The following CAMKMT variants were observed in gnomAD, a reference collection of about 807,000 sequenced individuals.
CAMKMT encodes CaM KMT.
In CAMKMT, 53 loss-of-function variants were observed where a neutral mutation model predicts 48.0. That is an observed-to-expected ratio of 1.10 (90% CI 0.89 to 1.39). The LOEUF is 1.39. CAMKMT is among the 40% of genes most tolerant of loss of function. The pLI, the probability that CAMKMT is intolerant of heterozygous loss-of-function variation, is 0.00. For missense variants in CAMKMT, 428 were observed against 402.7 expected, an observed-to-expected ratio of 1.06 and a Z score of -0.54; for synonymous variants, 165 against 152.3, an observed-to-expected ratio of 1.08 and a Z score of -0.61.
chr2:44,438,626 C>T (rs1183895966), intron 3 of CAMKMT, among the ~76,000 whole-genome samples: 1 of 152,170 alleles, frequency 6.6e-6, no homozygotes, highest in Non-Finnish European at 1.5e-5. Context: ...TACCTGTCTT[C>T]AGTTTGATTT....
chr2:44,653,235 C>G lies in CAMKMT; in HGVS notation c.377-51048C>G, dbSNP rs1468222399. 6.6e-6 allele frequency among the ~76,000 whole-genome samples: 1 copy of G among 152,116 alleles called. No homozygotes were observed. Among genetic ancestry groups the G allele is most frequent in the African/African-American group, 2.4e-5 (1 of 41,410 alleles). On this transcript the variant is annotated intron_variant, in intron 3 of 10. Transcript: ENST00000378494. The surrounding 1 kb of genome is among the most constrained non-coding windows in gnomAD (Gnocchi z 5.2). ...GGACATCTCCTCTGCTTTTAATATC[C>G]TCTTCAACTGGCCCAGAGAGCTCCT... is the stretch of plus-strand genomic sequence containing the variant.
chr2:44,580,837 G>A (rs1311008391), intron 3 of CAMKMT, among the ~76,000 whole-genome samples: 1 of 152,144 alleles, frequency 6.6e-6, no homozygotes, highest in Non-Finnish European at 1.5e-5. Context: ...ATCTGCCCCG[G>A]TCAGTTGTTA....
At chr2:44,751,669 C>T (rs769334326) in intron 8 of CAMKMT, among the ~76,000 whole-genome samples, 1 of 152,198 alleles carries the variant, frequency 6.6e-6, no homozygotes, top group Non-Finnish European at 1.5e-5. Context: ...TCCGTAAGGA[C>T]AGGCATAGTG....
intron 3 of CAMKMT, among the ~76,000 whole-genome samples, chr2:44,589,381 G>A (rs1477695786): frequency 3.7e-5 from 2 of 54,310 alleles, no homozygotes; most frequent in African/African-American, 1.5e-4. Context: ...CGTCTGGGAG[G>A]TGTGCCCAGC....
chr2:44,490,677 T>A (rs751412755), intron 3 of CAMKMT, among the ~76,000 whole-genome samples: 1 of 152,210 alleles, frequency 6.6e-6, no homozygotes. Flanking sequence ...GTATTATAAC[T>A]TATGTTGTGA....
At chr2:44,390,684 G>A (rs887350205) in intron 3 of CAMKMT, among the ~76,000 whole-genome samples, 1 of 151,904 alleles carries the variant, frequency 6.6e-6, no homozygotes, top group Non-Finnish European at 1.5e-5. Flanking sequence ...GCTTTGTTTC[G>A]GGTGCTTTCT....
chr2:44,463,521 G>A (rs984554962), intron 3 of CAMKMT, among the ~76,000 whole-genome samples: 1 of 152,088 alleles, frequency 6.6e-6, no homozygotes. Flanking sequence ...CTTTTTAGGG[G>A]GTGAAAAAGT....
chr2:44,374,726 T>C (rs1572665803), intron 2 of CAMKMT, among the ~76,000 whole-genome samples: 1 of 152,220 alleles, frequency 6.6e-6, no homozygotes, highest in East Asian at 1.9e-4. Flanking sequence ...ATATATCTTC[T>C]TGTGATATAT....
chr2:44,530,911 A>G (rs1666449318), intron 3 of CAMKMT, among the ~76,000 whole-genome samples: 1 of 152,006 alleles, frequency 6.6e-6, no homozygotes, highest in South Asian at 2.1e-4. Flanking sequence ...ATTATTAATA[A>G]TTTCATAGTG....
chr2:44,642,434 C>G (rs1263142456), intron 3 of CAMKMT, among the ~76,000 whole-genome samples: 1 of 152,236 alleles, frequency 6.6e-6, no homozygotes, highest in African/African-American at 2.4e-5. Context: ...CAAGTATCTT[C>G]CTGATCTCCA....
intron 3 of CAMKMT, among the ~76,000 whole-genome samples, chr2:44,593,698 C>T (rs1175330942): frequency 6.6e-6 from 1 of 150,652 alleles, no homozygotes; most frequent in Admixed American, 6.6e-5. Flanking sequence ...TAAATCTAGT[C>T]ACTGTTGCTC....
chr2:44,581,249 AC>A (rs1205242912), intron 3 of CAMKMT, among the ~76,000 whole-genome samples: 1 of 152,160 alleles, frequency 6.6e-6, no homozygotes, highest in Non-Finnish European at 1.5e-5. Flanking sequence ...TAATAATGAA[AC>A]CTTTATGTAT....
intron 3 of CAMKMT, among the ~76,000 whole-genome samples, chr2:44,685,238 G>A (rs994212364): frequency 2.0e-5 from 3 of 152,192 alleles, no homozygotes; most frequent in Admixed American, 1.3e-4. Flanking sequence ...TTGCTCTTAT[G>A]TTATGAATTC....
intron 3 of CAMKMT, among the ~76,000 whole-genome samples, chr2:44,431,897 C>A (rs781288508): frequency 1.5e-4 from 23 of 152,064 alleles, no homozygotes; most frequent in Non-Finnish European, 5.9e-5. Flanking sequence ...AATCAAGTAC[C>A]CAATTTACTT....
chr2:44,591,471 TC>T, intron 3 of CAMKMT, among the ~76,000 whole-genome samples: 1 of 152,080 alleles, frequency 6.6e-6, no homozygotes, highest in Non-Finnish European at 1.5e-5. Context: ...GTCCTTCACG[TC>T]CCTTGTAAGT....
chr2:44,546,857 A>G (rs151001775), intron 3 of CAMKMT, among the ~76,000 whole-genome samples: 11 of 152,338 alleles, frequency 7.2e-5, no homozygotes, highest in African/African-American at 2.6e-4. Flanking sequence ...ATGCTGATAC[A>G]GTGTAGTGCA....
At chr2:44,493,548 T>C (rs1461421279) in intron 3 of CAMKMT, among the ~76,000 whole-genome samples, 1 of 152,216 alleles carries the variant, frequency 6.6e-6, no homozygotes, top group Non-Finnish European at 1.5e-5. Flanking sequence ...ATGATTTTGC[T>C]TTTTGTTTTT....
chr2:44,707,372 T>C (rs1265971024), intron 5 of CAMKMT, 27 bp from the exon 6 acceptor site: 1 of 1,609,730 alleles, frequency 6.2e-7, no homozygotes, highest in South Asian at 1.1e-5. Flanking sequence ...TTGCTCATTG[T>C]TTGCTGTGCT....
chr2:44,605,578 GTGTT>G (rs1338243456), intron 3 of CAMKMT, among the ~76,000 whole-genome samples: 3 of 152,118 alleles, frequency 2.0e-5, no homozygotes, highest in Admixed American at 2.0e-4. Flanking sequence ...AGTTTCCTAA[GTGTT>G]TGGGGACAAC....
Sources: gnomAD v4.1 joint callset for allele counts (sites outside exome capture counted in the v4.1 genomes callset) on GRCh38, gnomAD v4.1.1 for gene constraint, Gnocchi (gnomAD v3.1) non-coding constraint, MANE v1.5 for transcripts, NCBI Gene and HGNC (gene_info 2026-07-23, HGNC 2026-07-21) for gene names.